Variants in TC2N observed in about 807,000 individuals in gnomAD.
TC2N encodes the protein tandem C2 domains, nuclear.
A neutral mutation model predicts 61.9 loss-of-function variants in TC2N; 51 were observed. The observed-to-expected ratio is 0.82, with a 90% confidence interval of 0.66 to 1.04. The LOEUF is 1.04. TC2N is among the 50% of genes least tolerant of loss of function. TC2N has a pLI of 0.00. For missense variants in TC2N, 556 were observed against 566.7 expected (o/e 0.98, Z 0.19); for synonymous variants, 204 against 192.6 (o/e 1.06, Z -0.49).
At chr14:91,816,988 T>C (rs1887033743) in intron 1 of TC2N, among the ~76,000 whole-genome samples, 1 of 152,010 alleles carries the variant, frequency 6.6e-6, no homozygotes, top group Admixed American at 6.6e-5. Context: ...TTTTCTTAGC[T>C]ATTCTTGCTT....
At chr14:91,833,071 A>C (rs948336785) in intron 1 of TC2N, among the ~76,000 whole-genome samples, 24 of 152,240 alleles carry the variant, frequency 1.6e-4, no homozygotes, top group African/African-American at 3.6e-4. Context: ...TAGAGAATCA[A>C]GGAGAGTGGA....
intron 10 of TC2N, among the ~76,000 whole-genome samples, chr14:91,787,011 T>C (rs77193334): frequency 0.019 from 2,965 of 152,238 alleles, 96 homozygotes; most frequent in African/African-American, 0.067. Context: ...GTTCCCTTCT[T>C]TTAGTAGGGA....
In TC2N at chr14:91,797,828, GGCAATGTAAGTA is replaced by G; in HGVS notation, c.800_811del (p.Ile267_Pro271delinsThr). 6.2e-7 allele frequency: 1 copy of G among 1,610,978 alleles called. No individual in the cohort carries two copies. The highest frequency in any genetic ancestry group is 8.5e-7 in the Non-Finnish European group (1 of 1,178,298). On this transcript the variant is annotated inframe_deletion, in exon 8 of 12. Coordinates refer to ENST00000435962, the MANE Select transcript of TC2N (RefSeq NM_001128596.3). ...TGAAGATTTGAAATGCACTGGTTTG[GGCAATGTAAGTA>G]TTCCTTTTATAGAAACAGTAGGAGT...
intron 3 of TC2N, among the ~76,000 whole-genome samples, chr14:91,804,222 G>A (rs1162528185): frequency 6.6e-6 from 1 of 152,150 alleles, no homozygotes; most frequent in Admixed American, 6.5e-5. Context: ...GAATGTAAAC[G>A]ATCATACTCT....
At chr14:91,794,194 G>A (rs909750178) in intron 8 of TC2N, among the ~76,000 whole-genome samples, 15 of 152,182 alleles carry the variant, frequency 9.9e-5, no homozygotes, top group Non-Finnish European at 2.2e-4. Context: ...CTAAAAGCTA[G>A]TAGAGGCTGG....
intron 1 of TC2N, among the ~76,000 whole-genome samples, chr14:91,857,183 T>C (rs1325897248): frequency 1.3e-5 from 2 of 152,176 alleles, no homozygotes; most frequent in Non-Finnish European, 2.9e-5. Context: ...ATGGACTATA[T>C]TCTATACTTT....
At chr14:91,787,468 C>T (rs766379555) in intron 10 of TC2N, 45 bp downstream of exon 10, 1 of 1,145,402 alleles carries the variant, frequency 8.7e-7, no homozygotes, top group Non-Finnish European at 1.3e-6. Context: ...CTTTCTATTA[C>T]TAATACTTTC....
At chr14:91,830,092 A>T (rs528142301) in intron 1 of TC2N, among the ~76,000 whole-genome samples, 1 of 152,350 alleles carries the variant, frequency 6.6e-6, no homozygotes, top group East Asian at 1.9e-4. Flanking sequence ...TAAATTGCTT[A>T]TGAGAATGTA....
rs776159783 is a variant in TC2N, at chr14:91,812,492, T to C, written c.121A>G (p.Ile41Val). The C allele has an allele frequency of 5.0e-6, 8 of 1,609,396 alleles. No individual in the cohort carries two copies. The highest frequency in any genetic ancestry group is 4.0e-5 in the African/African-American group (3 of 74,944). ...ACAGAAGTCAATGGAGGTACAGAGA[T>C]AGTAGCATTTTGACTATTTGGGACT... is the stretch of plus-strand genomic sequence containing the variant. ...AAVPNSQNATISVPPLTSVSV... is the reference protein window; with the variant it reads ...AAVPNSQNATVSVPPLTSVSV... Residue 41 changes from isoleucine (I) to valine (V), a missense_variant, in exon 3 of 12, where the codon ATC becomes GTC. Ile to Val is a conservative substitution (Grantham distance 29, BLOSUM62 3). Transcript: ENST00000435962.
intron 1 of TC2N, among the ~76,000 whole-genome samples, chr14:91,861,886 T>C (rs1327107690): frequency 1.3e-5 from 2 of 151,672 alleles, no homozygotes; most frequent in Non-Finnish European, 2.9e-5. Flanking sequence ...GCAGCCTGGG[T>C]GACAGAGTGA....
intron 1 of TC2N, among the ~76,000 whole-genome samples, chr14:91,842,277 G>T (rs1028083035): frequency 2.0e-5 from 3 of 151,710 alleles, no homozygotes; most frequent in African/African-American, 7.3e-5. Flanking sequence ...GAGCCTCCAC[G>T]CCTGACCTCC....
rs1029980691 is a variant in TC2N, at chr14:91,810,977, A to G, written c.301+1335T>C. 5.3e-5 allele frequency among the ~76,000 whole-genome samples: 8 copies of G among 152,154 alleles called. No homozygotes were observed. In the South Asian group the frequency reaches 1.0e-3, roughly 20 times the overall value. On this transcript the variant is annotated intron_variant, in intron 3 of 11. Transcript: ENST00000435962. Reference sequence around the variant, plus strand: ...AGGGGATAAGACAAAAAATATTTGGACAAATATTGTAGATCTTGATAGAGA... The same window carrying G: ...AGGGGATAAGACAAAAAATATTTGGGCAAATATTGTAGATCTTGATAGAGA...
At chr14:91,814,797 T>C (rs530753765) in intron 1 of TC2N, among the ~76,000 whole-genome samples, 14 of 151,758 alleles carry the variant, frequency 9.2e-5, no homozygotes, top group Admixed American at 9.2e-4. Context: ...CATGTGAATA[T>C]AGCTAATGAA....
At chr14:91,839,122 C>G (rs1888119156) in intron 1 of TC2N, among the ~76,000 whole-genome samples, 1 of 152,218 alleles carries the variant, frequency 6.6e-6, no homozygotes, top group African/African-American at 2.4e-5. Context: ...CTACTCTAAA[C>G]CCCTATTCAT....
chr14:91,791,845 A>G (rs1412427544), intron 9 of TC2N, among the ~76,000 whole-genome samples: 1 of 152,162 alleles, frequency 6.6e-6, no homozygotes, highest in Non-Finnish European at 1.5e-5. Context: ...GGCCAGGCGC[A>G]GTGGCTCACG....
chr14:91,840,806 C>G (rs1888149693), intron 1 of TC2N, among the ~76,000 whole-genome samples: 1 of 152,098 alleles, frequency 6.6e-6, no homozygotes, highest in African/African-American at 2.4e-5. Context: ...CTTTCCCTCC[C>G]TCATCATCTT....
At chr14:91,850,836 G>C (rs8010833) in intron 1 of TC2N, among the ~76,000 whole-genome samples, 139,292 of 151,946 alleles carry the variant, frequency 0.92, 64,411 homozygotes, top group Non-Finnish European at 0.97. Context: ...GAGTCTGAGA[G>C]AGGAGAATTG....
chr14:91,838,675 A>G (rs1888112033), intron 1 of TC2N, among the ~76,000 whole-genome samples: 1 of 152,216 alleles, frequency 6.6e-6, no homozygotes. Context: ...AACAACTTTA[A>G]CAAACTCTTC....
At chr14:91,863,558 G>A (rs1293405452) in intron 1 of TC2N, among the ~76,000 whole-genome samples, 1 of 152,206 alleles carries the variant, frequency 6.6e-6, no homozygotes, top group East Asian at 1.9e-4. Context: ...GTCATAGGTA[G>A]ATTCAAAGAT....
Sources: gnomAD v4.1 joint callset for allele counts (sites outside exome capture counted in the v4.1 genomes callset) on GRCh38, gnomAD v4.1.1 for gene constraint, MANE v1.5 for transcripts, NCBI Gene and HGNC (gene_info 2026-07-23, HGNC 2026-07-21) for gene names.